Variants in XKR6 observed in about 807,000 individuals in gnomAD.
The protein encoded by XKR6 is XK-related protein 6.
In XKR6, 22 loss-of-function variants were observed where a neutral mutation model predicts 56.7. That is an observed-to-expected ratio of 0.39 (90% confidence interval 0.28 to 0.55). XKR6 has a LOEUF of 0.55. XKR6 is among the 20% of genes least tolerant of loss of function. The pLI is 0.66. For missense variants in XKR6, 852 were observed against 889.0 expected, an observed-to-expected ratio of 0.96 and a Z score of 0.53; for synonymous variants, 524 against 387.8, an observed-to-expected ratio of 1.35 and a Z score of -4.13.
chr8:11,123,601 A>T (rs1246522033), intron 1 of XKR6: 3 of 305,924 alleles, frequency 9.8e-6, no homozygotes, highest in Non-Finnish European at 1.3e-5. Flanking sequence ...CACGAGGATT[A>T]AAAATTCAAG....
chr8:11,056,110 G>T (rs1799677981), intron 1 of XKR6, among the ~76,000 whole-genome samples: 1 of 152,138 alleles, frequency 6.6e-6, no homozygotes, highest in Admixed American at 6.5e-5. Flanking sequence ...ACTCCTCCTG[G>T]ACCCAGTGCT....
intron 1 of XKR6, among the ~76,000 whole-genome samples, chr8:11,059,930 T>A (rs1254104144): frequency 6.6e-6 from 1 of 152,196 alleles, no homozygotes; most frequent in East Asian, 1.9e-4. Flanking sequence ...TGTTAGGCAT[T>A]TCACAAAATC....
intron 1 of XKR6, among the ~76,000 whole-genome samples, chr8:11,102,082 T>C (rs1004600765): frequency 2.6e-5 from 4 of 152,164 alleles, no homozygotes; most frequent in Non-Finnish European, 5.9e-5. Flanking sequence ...GGAAAAGCAG[T>C]CACTGGCTGA....
intron 1 of XKR6, among the ~76,000 whole-genome samples, chr8:10,987,881 T>A (rs1322168564): frequency 1.3e-5 from 2 of 152,200 alleles, no homozygotes; most frequent in Non-Finnish European, 1.5e-5. Context: ...AATCCTGGGC[T>A]ACTGTCTCAC....
chr8:11,014,508 C>A (rs1237942396), intron 1 of XKR6, among the ~76,000 whole-genome samples: 1 of 152,204 alleles, frequency 6.6e-6, no homozygotes, highest in East Asian at 1.9e-4. Context: ...CTCCCCTTTC[C>A]TATGGGTTCC....
chr8:11,038,550 T>TGTGTGTGTGTGTGTGTGTGTGTGTG (rs1239344947), intron 1 of XKR6, among the ~76,000 whole-genome samples: 1 of 135,212 alleles, frequency 7.4e-6, no homozygotes, highest in Admixed American at 7.3e-5. Flanking sequence ...TGTGTGTGTG[T>TGTGTGTGTGTGTGTGTGTGTGTGTG]TTGAGGCAGG....
intron 1 of XKR6, among the ~76,000 whole-genome samples, chr8:11,191,539 T>G (rs896349809): frequency 1.3e-5 from 2 of 152,168 alleles, no homozygotes; most frequent in African/African-American, 4.8e-5. Context: ...GCAGTACTTC[T>G]GACAAAAATT....
intron 1 of XKR6, chr8:11,194,441 G>C (rs1242431763): frequency 6.6e-6 from 1 of 152,174 alleles, no homozygotes; most frequent in Non-Finnish European, 1.5e-5. Context: ...CAATGAACTT[G>C]TTAAATGAGG....
chr8:11,117,307 C>T (rs1011840597), intron 1 of XKR6, among the ~76,000 whole-genome samples: 1 of 152,164 alleles, frequency 6.6e-6, no homozygotes, highest in Non-Finnish European at 1.5e-5. Context: ...CTGTCTGACA[C>T]ATACGCCTCT....
chr8:11,173,157 A>C (rs1393007334), intron 1 of XKR6, among the ~76,000 whole-genome samples: 1 of 150,978 alleles, frequency 6.6e-6, no homozygotes, highest in Admixed American at 6.6e-5. Context: ...AACACGGTGA[A>C]ACCCCGTCTC....
At chr8:11,074,047 C>T (rs1288253076) in intron 1 of XKR6, among the ~76,000 whole-genome samples, 1 of 152,214 alleles carries the variant, frequency 6.6e-6, no homozygotes, top group Non-Finnish European at 1.5e-5. Flanking sequence ...GGGGACATCA[C>T]AGAAGACTAG....
At chr8:11,116,124 TC>T (rs1400559199) in intron 1 of XKR6, among the ~76,000 whole-genome samples, 1 of 152,214 alleles carries the variant, frequency 6.6e-6, no homozygotes, top group Non-Finnish European at 1.5e-5. Context: ...TTTGCTGCAT[TC>T]AAATTTTAAA....
At position 11,113,977 on chromosome 8, in the gene XKR6, T is replaced by A. The variant is rs1799033756; in HGVS notation, c.764+86599A>T. ...CCTCCCTCTCGCTGGCTTTGCCATTTACCATGCGGGCTGAAGTGGTTTCAG... is the reference window on the plus strand; with the variant it reads ...CCTCCCTCTCGCTGGCTTTGCCATTAACCATGCGGGCTGAAGTGGTTTCAG... On this transcript the variant is annotated intron_variant, in intron 1 of 2. Coordinates refer to ENST00000416569, the MANE Select transcript of XKR6 (RefSeq NM_173683.4). The A allele has an allele frequency of 1.1e-5, 4 of 351,456 alleles. 1 individual carries two copies. The highest frequency in any genetic ancestry group is 8.7e-5 in the South Asian group (4 of 45,994). 21.8% of individuals were successfully genotyped at this position (351,456 alleles called of 1,614,324 possible).
At chr8:10,922,374 C>G (rs903148599) in intron 2 of XKR6, among the ~76,000 whole-genome samples, 1 of 152,230 alleles carries the variant, frequency 6.6e-6, no homozygotes, top group Non-Finnish European at 1.5e-5. Flanking sequence ...GATATGGAGG[C>G]CTCACCAGGG....
chr8:11,003,171 C>T (rs1008296336), intron 1 of XKR6, among the ~76,000 whole-genome samples: 1 of 152,148 alleles, frequency 6.6e-6, no homozygotes, highest in African/African-American at 2.4e-5. Flanking sequence ...TAATAGAGTA[C>T]GTACTCTATG....
chr8:11,068,120 A>G (rs201060584), intron 1 of XKR6, among the ~76,000 whole-genome samples: 1 of 152,148 alleles, frequency 6.6e-6, no homozygotes, highest in Non-Finnish European at 1.5e-5. Flanking sequence ...CTCACCTTCA[A>G]CAGCCTCTCC....
At chr8:11,004,499 A>AT (rs1554522908) in intron 1 of XKR6, among the ~76,000 whole-genome samples, 1 of 151,248 alleles carries the variant, frequency 6.6e-6, no homozygotes, top group Non-Finnish European at 1.5e-5. Flanking sequence ...AAATAAATAA[A>AT]AAATAAAGCT....
chr8:11,140,103 C>T (rs754594380), intron 1 of XKR6, among the ~76,000 whole-genome samples: 5 of 149,558 alleles, frequency 3.3e-5, no homozygotes, highest in South Asian at 2.1e-4. Context: ...GAGAAACAGG[C>T]GGCTCGAAGA....
intron 1 of XKR6, among the ~76,000 whole-genome samples, chr8:10,953,746 G>C (rs982899249): frequency 6.6e-6 from 1 of 152,090 alleles, no homozygotes; most frequent in African/African-American, 2.4e-5. Context: ...TGCAACCATC[G>C]CCACCATCTA....
Sources: allele counts gnomAD v4.1 joint callset (sites outside exome capture counted in the v4.1 genomes callset), GRCh38; gene constraint gnomAD v4.1.1; transcripts MANE v1.5; gene names NCBI Gene and HGNC (gene_info 2026-07-23, HGNC 2026-07-21).